GRM4: variants seen among roughly 807,000 people sequenced by gnomAD.
GRM4 encodes glutamate metabotropic receptor 4.
A neutral mutation model predicts 81.7 loss-of-function variants in GRM4; 28 were observed. The observed-to-expected ratio is 0.34, with a 90% confidence interval of 0.25 to 0.47. The LOEUF is 0.47. Among genes scored for constraint, GRM4 ranks in the 20% least tolerant of loss-of-function variants. GRM4 has a pLI of 1.00. For synonymous variants in GRM4, 488 were observed against 528.8 expected, an observed-to-expected ratio of 0.92 and a Z score of 1.06; for missense variants, 948 against 1,290.0, an observed-to-expected ratio of 0.73 and a Z score of 4.06.
chr6:34,100,034 T>A, intron 2 of GRM4: 4 of 983,096 alleles, frequency 4.1e-6, no homozygotes, highest in Non-Finnish European at 4.8e-6. Flanking sequence ...TCTATTCCTC[T>A]GCTCTGTGGA....
chr6:34,154,405 C>G (rs1271033155), intron 1 of GRM4, among the ~76,000 whole-genome samples: 2 of 152,192 alleles, frequency 1.3e-5, no homozygotes, highest in East Asian at 3.9e-4. Flanking sequence ...TTAAGCAGCA[C>G]CCCTAGTCCA....
chr6:34,056,434 ACGGCCGGCCG>A, intron 6 of GRM4, 100 bp downstream of exon 6: 1 of 903,972 alleles, frequency 1.1e-6, no homozygotes, highest in Non-Finnish European at 1.6e-6. Context: ...ACGTCCTGCC[ACGGCCGGCCG>A]ACGACAGACA....
Position 34,069,206 on chromosome 6 carries a change from G to GCACACACACACACACA in GRM4, c.737-7179_737-7178insTGTGTGTGTGTGTGTG, listed in dbSNP as rs1287473537. 9.8e-6 allele frequency among the ~76,000 whole-genome samples: 1 copy of GCACACACACACACACA among 102,560 alleles called. No homozygotes were observed. The highest frequency in any genetic ancestry group is 4.6e-4 in the East Asian group (1 of 2,180). 67.3% of individuals were successfully genotyped at this position (102,560 alleles called of 152,430 possible). On this transcript the variant is annotated intron_variant, in intron 3 of 10. Coordinates refer to ENST00000538487, the MANE Select transcript of GRM4 (RefSeq NM_000841.4). The surrounding 1 kb of genome is among the most constrained non-coding windows in gnomAD (Gnocchi z 6.4). The stretch of plus-strand genomic sequence containing the variant: ...CACACACACACACACACACACACAC[G>GCACACACACACACACA]CACGCACACACGGCTCCTTCCTTCT...
chr6:34,023,490 T>C (rs1391166621), intron 10 of GRM4, among the ~76,000 whole-genome samples: 1 of 152,022 alleles, frequency 6.6e-6, no homozygotes, highest in Non-Finnish European at 1.5e-5. Flanking sequence ...AGGCATGCGA[T>C]TGACTCAGCC....
At chr6:34,079,888 A>T (rs931943135) in intron 3 of GRM4, among the ~76,000 whole-genome samples, 2 of 151,858 alleles carry the variant, frequency 1.3e-5, no homozygotes, top group Admixed American at 1.3e-4. Flanking sequence ...ACACTGGCCC[A>T]GGGCCCCACT....
rs1766738730 is a variant in GRM4, at chr6:34,070,178, C to T, written c.737-8150G>A. ...GGTGACCTCCCCTCTGAGCTGCCACCTCCTTACATGCACAGCCACTGGACA... is the reference window on the plus strand; with the variant it reads ...GGTGACCTCCCCTCTGAGCTGCCACTTCCTTACATGCACAGCCACTGGACA... On this transcript the variant is annotated intron_variant, in intron 3 of 10. Coordinates refer to ENST00000538487, the MANE Select transcript of GRM4 (RefSeq NM_000841.4). This position sits in a 1 kb window ranked among gnomAD's most constrained non-coding sequence, Gnocchi z 4.6. Among the ~76,000 whole-genome samples, 1 of 152,120 alleles carries T rather than the reference C, an allele frequency of 6.6e-6. No homozygotes were observed. Among genetic ancestry groups the T allele is most frequent in the Non-Finnish European group, 1.5e-5 (1 of 68,014 alleles).
chr6:34,087,280 AT>A (rs1278658874), intron 3 of GRM4, among the ~76,000 whole-genome samples: 1 of 151,878 alleles, frequency 6.6e-6, no homozygotes, highest in African/African-American at 2.4e-5. Flanking sequence ...TTAGCCAGGC[AT>A]GGTGGTGCAT....
At chr6:34,065,227 A>G (rs1476671184) in intron 3 of GRM4, among the ~76,000 whole-genome samples, 1 of 152,100 alleles carries the variant, frequency 6.6e-6, no homozygotes, top group East Asian at 1.9e-4. Context: ...CCACGCTGCT[A>G]CAGACCCAAA....
intron 3 of GRM4, among the ~76,000 whole-genome samples, chr6:34,077,211 C>CT (rs2127475524): frequency 6.6e-6 from 1 of 152,228 alleles, no homozygotes; most frequent in East Asian, 1.9e-4. Context: ...TAGGGTGCAG[C>CT]TGTCCAGAGT....
intron 3 of GRM4, among the ~76,000 whole-genome samples, chr6:34,077,141 A>C (rs2499697): frequency 0.92 from 140,107 of 152,106 alleles, 64,648 homozygotes; most frequent in African/African-American, 0.97. Context: ...ACGCTCAAGT[A>C]ATTGTGATAA....
At chr6:34,044,187 T>C (rs149560301) in intron 6 of GRM4, among the ~76,000 whole-genome samples, 21 of 144,264 alleles carry the variant, frequency 1.5e-4, no homozygotes, top group African/African-American at 5.1e-4. Flanking sequence ...TACATACACA[T>C]ATATACACAC....
upstream of GRM4, among the ~76,000 whole-genome samples, chr6:34,146,786 G>A (rs1425944247): frequency 6.6e-6 from 1 of 152,200 alleles, no homozygotes; most frequent in Non-Finnish European, 1.5e-5. Flanking sequence ...GCCCAGGCCT[G>A]GCAGGACTCG....
intron 3 of GRM4, among the ~76,000 whole-genome samples, chr6:34,087,593 A>T (rs913823173): frequency 6.6e-6 from 1 of 151,476 alleles, no homozygotes; most frequent in African/African-American, 2.4e-5. Context: ...CCCGGGAGGG[A>T]AGGGCAGCCT....
chr6:34,124,485 C>A (rs1769940875), intron 2 of GRM4, among the ~76,000 whole-genome samples: 1 of 152,360 alleles, frequency 6.6e-6, no homozygotes, highest in African/African-American at 2.4e-5. Context: ...CTGCCGTCTC[C>A]CTCCAGTGTG....
At chr6:34,153,701 C>T (rs2127522122) in intron 1 of GRM4, among the ~76,000 whole-genome samples, 1 of 152,288 alleles carries the variant, frequency 6.6e-6, no homozygotes, top group East Asian at 1.9e-4. Flanking sequence ...GCCTGACCAA[C>T]ATGGTGAAAC....
intron 6 of GRM4, among the ~76,000 whole-genome samples, chr6:34,052,446 G>C (rs1765661551): frequency 6.6e-6 from 1 of 152,212 alleles, no homozygotes; most frequent in Non-Finnish European, 1.5e-5. Context: ...CCAGGATAAG[G>C]GTCCTTCCCA....
rs1040985715 is a variant in GRM4, at chr6:34,092,285, A to G, written c.520-186T>C. On this transcript the variant is annotated intron_variant, in intron 2 of 10. Coordinates refer to ENST00000538487, the MANE Select transcript of GRM4 (RefSeq NM_000841.4). This position sits in a 1 kb window ranked among gnomAD's most constrained non-coding sequence, Gnocchi z 6.8. ...CCAACCGGCCTCCCTGGGGTCCCCA[A>G]AGACACCCCAACCACACACAGATAC... is the stretch of plus-strand genomic sequence containing the variant. Among the ~76,000 whole-genome samples, 20 of 152,148 alleles carry G rather than the reference A, an allele frequency of 1.3e-4. No homozygotes were observed. The highest frequency in any genetic ancestry group is 4.8e-4 in the African/African-American group (20 of 41,502).
At chr6:34,105,414 G>A (rs187167401) in intron 2 of GRM4, among the ~76,000 whole-genome samples, 9 of 152,228 alleles carry the variant, frequency 5.9e-5, no homozygotes, top group Admixed American at 4.6e-4. Context: ...CCCTCTCCCC[G>A]ATGCCAGTCC....
At chr6:34,144,444 G>C (rs1414220986) in intron 1 of GRM4, among the ~76,000 whole-genome samples, 1 of 152,202 alleles carries the variant, frequency 6.6e-6, no homozygotes, top group Non-Finnish European at 1.5e-5. Context: ...TCACGGTCCC[G>C]GGGAGGGACG....
Sources: gnomAD v4.1 joint callset for allele counts (sites outside exome capture counted in the v4.1 genomes callset) on GRCh38, gnomAD v4.1.1 for gene constraint, Gnocchi (gnomAD v3.1) non-coding constraint, MANE v1.5 for transcripts, NCBI Gene and HGNC (gene_info 2026-07-23, HGNC 2026-07-21) for gene names.